Variants in PHF21A observed in about 807,000 individuals in gnomAD.
The protein encoded by PHF21A is PHD finger protein 21A, also known as BHC80a.
PHF21A carries 11 observed loss-of-function variants against 82.5 expected under a neutral mutation model. That is an observed-to-expected ratio of 0.13 (90% CI 0.08 to 0.22). The LOEUF (loss-of-function observed/expected upper bound fraction) is 0.22, where lower values mean the gene tolerates loss of function less well. PHF21A is among the 10% of genes least tolerant of loss of function. PHF21A has a pLI of 1.00. For synonymous variants in PHF21A, 297 were observed against 302.8 expected (o/e 0.98, Z 0.20); for missense variants, 579 against 837.8 (o/e 0.69, Z 3.81).
chr11:45,941,794 T>A (rs563535448), intron 15 of PHF21A, among the ~76,000 whole-genome samples: 12 of 152,332 alleles, frequency 7.9e-5, no homozygotes, highest in African/African-American at 2.6e-4. Flanking sequence ...TGCTAGGCGC[T>A]GAGGACGTAT....
At chr11:46,039,693 T>C (rs1160245353) in intron 6 of PHF21A, among the ~76,000 whole-genome samples, 1 of 152,182 alleles carries the variant, frequency 6.6e-6, no homozygotes, top group Non-Finnish European at 1.5e-5. Context: ...CACTCCACCC[T>C]TCTCAGTAGT....
At position 45,930,779 on chromosome 11, in the gene PHF21A, A is replaced by G. The variant is rs2087584123; in HGVS notation, c.*3189T>C. On this transcript the variant is annotated 3_prime_UTR_variant, in exon 19 of 19. Coordinates refer to ENST00000676320, the MANE Select transcript of PHF21A (RefSeq NM_001352027.3). ...GTGACTACAAAGCCAGCTGGTCTCA[A>G]AAGTGGCTGTCAGAGCAGCTAAATT... 1 of 152,334 alleles carries G rather than the reference A, an allele frequency of 6.6e-6. No homozygotes were observed. 9.4% of individuals were successfully genotyped at this position (152,334 alleles called of 1,614,324 possible). A position where few individuals can be genotyped will look rare whatever the true frequency, so the allele number is the denominator to read the frequency against.
At chr11:45,957,951 C>T (rs1429811251) in intron 10 of PHF21A, among the ~76,000 whole-genome samples, 1 of 151,894 alleles carries the variant, frequency 6.6e-6, no homozygotes, top group Non-Finnish European at 1.5e-5. Context: ...CATTACATCT[C>T]ACAGAATTCA....
intron 6 of PHF21A, among the ~76,000 whole-genome samples, chr11:45,987,660 CAAAAAAAAAAAAAAA>C (rs71038877): frequency 8.6e-5 from 3 of 34,896 alleles, no homozygotes; most frequent in African/African-American, 1.6e-4. Context: ...GACCCCGTCT[CAAAAAAAAAAAAAAA>C]AAAAAAAAAA....
At chr11:45,961,639 ATGT>A (rs67140459) in intron 10 of PHF21A, among the ~76,000 whole-genome samples, 132,403 of 151,858 alleles carry the variant, frequency 0.87, 58,051 homozygotes, top group East Asian at 1. Context: ...AATTGACGAC[ATGT>A]TACATAGAAG....
intron 10 of PHF21A, among the ~76,000 whole-genome samples, chr11:45,954,887 CTCAAAAATCATTATGCTGGAAATAT>C (rs2092508304): frequency 6.6e-6 from 1 of 152,130 alleles, no homozygotes; most frequent in African/African-American, 2.4e-5. Flanking sequence ...ATCTAAAGCT[CTCAAAAATCATTATGCTGGAAATAT>C]TTTACTAGAT....
intron 6 of PHF21A, among the ~76,000 whole-genome samples, chr11:46,032,841 AAT>A (rs752263783): frequency 7.2e-5 from 11 of 152,184 alleles, no homozygotes; most frequent in Non-Finnish European, 1.0e-4. Context: ...TAATGATTTT[AAT>A]ATGTTTAATG....
At chr11:46,069,798 A>G (rs2096635524) in intron 6 of PHF21A, among the ~76,000 whole-genome samples, 1 of 152,202 alleles carries the variant, frequency 6.6e-6, no homozygotes, top group African/African-American at 2.4e-5. Context: ...GATTGAGTTA[A>G]ATGTTAAATG....
In PHF21A at chr11:46,051,554, TA is replaced by T. The variant is rs1463114219; in HGVS notation, c.153+25199del. 2.6e-5 allele frequency among the ~76,000 whole-genome samples: 4 copies of T among 152,288 alleles called. No homozygotes were observed. In the East Asian group the frequency reaches 7.7e-4, roughly 29 times the overall value. ...TAAGGAAACCTCAAACAGAGTACTC[TA>T]ACTTTGGTCTTCAGAAACACAAAGC... On this transcript the variant is annotated intron_variant, in intron 6 of 18. Coordinates refer to ENST00000676320, the MANE Select transcript of PHF21A (RefSeq NM_001352027.3).
chr11:45,958,145 A>G (rs909263575), intron 10 of PHF21A, among the ~76,000 whole-genome samples: 1 of 151,808 alleles, frequency 6.6e-6, no homozygotes, highest in African/African-American at 2.4e-5. Context: ...AAGAAAAAGT[A>G]CAGGATCAGA....
intron 7 of PHF21A, among the ~76,000 whole-genome samples, chr11:45,976,512 A>G (rs960661574): frequency 1.3e-5 from 2 of 152,218 alleles, no homozygotes; most frequent in Non-Finnish European, 2.9e-5. Context: ...CTCTTTGTAT[A>G]CCAGAATCTA....
chr11:45,957,833 A>G (rs2092779366), intron 10 of PHF21A, among the ~76,000 whole-genome samples: 1 of 151,924 alleles, frequency 6.6e-6, no homozygotes, highest in Non-Finnish European at 1.5e-5. Context: ...AGACTCAACA[A>G]AACCAAAAGG....
At chr11:45,957,853 G>A (rs959013402) in intron 10 of PHF21A, among the ~76,000 whole-genome samples, 3 of 150,766 alleles carry the variant, frequency 2.0e-5, no homozygotes, top group Non-Finnish European at 4.4e-5. Flanking sequence ...GTGAATCTTC[G>A]AAAAGAATAA....
At chr11:46,005,856 G>A (rs1415393529) in intron 6 of PHF21A, among the ~76,000 whole-genome samples, 2 of 152,154 alleles carry the variant, frequency 1.3e-5, no homozygotes, top group Non-Finnish European at 2.9e-5. Flanking sequence ...CTAATGAAAT[G>A]TGGAAATGCT....
chr11:46,083,345 A>C (rs2096817440), intron 4 of PHF21A, among the ~76,000 whole-genome samples: 1 of 152,200 alleles, frequency 6.6e-6, no homozygotes, highest in Admixed American at 6.5e-5. Flanking sequence ...GCAATGTGCA[A>C]ATCTAGTAGT....
intron 7 of PHF21A, 49 bp downstream of exon 7, chr11:45,979,711 C>CA: frequency 6.2e-7 from 1 of 1,612,060 alleles, no homozygotes; most frequent in Non-Finnish European, 8.5e-7. Flanking sequence ...TGACCAACAA[C>CA]AAATCAGTCT....
intron 6 of PHF21A, among the ~76,000 whole-genome samples, chr11:45,999,571 A>G (rs2095044936): frequency 6.6e-6 from 1 of 152,232 alleles, no homozygotes; most frequent in Non-Finnish European, 1.5e-5. Context: ...GAGAAGGGAA[A>G]TTTAAAAATA....
At chr11:45,971,049 T>C (rs1424649208) in intron 8 of PHF21A, 67 bp downstream of exon 8, 2 of 1,545,948 alleles carry the variant, frequency 1.3e-6, no homozygotes, top group Admixed American at 1.8e-5. Flanking sequence ...CTAGAAGGGA[T>C]ATACTATACA....
chr11:45,998,833 G>GT (rs11297107), intron 6 of PHF21A, among the ~76,000 whole-genome samples: 72 of 145,744 alleles, frequency 4.9e-4, no homozygotes, highest in Admixed American at 6.1e-4. Flanking sequence ...TTTTGTTTTT[G>GT]TTTTTTTTTG....
Sources: allele counts gnomAD v4.1 joint callset (sites outside exome capture counted in the v4.1 genomes callset), GRCh38; gene constraint gnomAD v4.1.1; transcripts MANE v1.5; gene names NCBI Gene and HGNC (gene_info 2026-07-23, HGNC 2026-07-21).